Variants in TAFA2 observed in about 807,000 individuals in gnomAD.
TAFA2 encodes the protein TAFA chemokine like family member 2.
In TAFA2, 7 loss-of-function variants were observed where a neutral mutation model predicts 18.8. The observed-to-expected ratio is 0.37, with a 90% CI of 0.21 to 0.70. The LOEUF (loss-of-function observed/expected upper bound fraction) is 0.70. Ranked by LOEUF, TAFA2 falls within the 30% of genes least tolerant of loss-of-function variation. TAFA2 has a pLI of 0.53. For synonymous variants in TAFA2, 60 were observed against 54.2 expected (o/e 1.11, Z -0.47); for missense variants, 122 against 158.1 (o/e 0.77, Z 1.23).
intron 1 of TAFA2, among the ~76,000 whole-genome samples, chr12:61,895,208 C>A (rs2121304212): frequency 6.6e-6 from 1 of 152,108 alleles, no homozygotes; most frequent in South Asian, 2.1e-4. Context: ...GAAATGTAGT[C>A]AGACAATAAA....
intron 1 of TAFA2, among the ~76,000 whole-genome samples, chr12:61,973,848 T>C (rs533394028): frequency 2.0e-5 from 3 of 151,732 alleles, no homozygotes; most frequent in African/African-American, 4.8e-5. Context: ...GAGCCAACCA[T>C]TGTTGTTCTT....
intron 1 of TAFA2, among the ~76,000 whole-genome samples, chr12:62,076,458 G>A (rs1415201076): frequency 6.6e-6 from 1 of 152,088 alleles, no homozygotes; most frequent in African/African-American, 2.4e-5. Flanking sequence ...GTGTCACTGT[G>A]AGATAATTAT....
At chr12:62,086,086 G>A (rs951124222) in intron 1 of TAFA2, among the ~76,000 whole-genome samples, 4 of 151,842 alleles carry the variant, frequency 2.6e-5, no homozygotes, top group Admixed American at 2.0e-4. Context: ...AACCATGAGC[G>A]AATTGAAACT....
At chr12:61,821,933 A>G (rs1353368386) in intron 2 of TAFA2, among the ~76,000 whole-genome samples, 1 of 152,096 alleles carries the variant, frequency 6.6e-6, no homozygotes, top group Non-Finnish European at 1.5e-5. Context: ...AAACTGAAAT[A>G]ATTAGCCCCA....
At chr12:61,740,899 T>C (rs761787394) in intron 4 of TAFA2, among the ~76,000 whole-genome samples, 1 of 151,706 alleles carries the variant, frequency 6.6e-6, no homozygotes, top group Non-Finnish European at 1.5e-5. Context: ...GAGCAAAGCA[T>C]ATATTTAACA....
At chr12:62,146,921 T>C (rs1424462051) in intron 1 of TAFA2, among the ~76,000 whole-genome samples, 1 of 152,124 alleles carries the variant, frequency 6.6e-6, no homozygotes, top group Non-Finnish European at 1.5e-5. Context: ...TGGTAAAGTT[T>C]GGGTCCTTTA....
At chr12:62,228,204 T>G (rs2062796276) in intron 1 of TAFA2, among the ~76,000 whole-genome samples, 1 of 152,196 alleles carries the variant, frequency 6.6e-6, no homozygotes, top group Non-Finnish European at 1.5e-5. Flanking sequence ...ACACTTGGAA[T>G]CCTTCGTGTT....
At chr12:61,833,543 T>A (rs1311499950) in intron 2 of TAFA2, among the ~76,000 whole-genome samples, 3 of 152,098 alleles carry the variant, frequency 2.0e-5, no homozygotes, top group Non-Finnish European at 4.4e-5. Flanking sequence ...TGTTATTCTC[T>A]ATTCAATAAT....
chr12:61,860,257 A>G (rs1487854776), intron 2 of TAFA2, among the ~76,000 whole-genome samples: 1 of 152,228 alleles, frequency 6.6e-6, no homozygotes, highest in Non-Finnish European at 1.5e-5. Context: ...AGTTTCTCAA[A>G]TAAATATATA....
At chr12:61,711,811 T>G (rs555585028) in intron 4 of TAFA2, among the ~76,000 whole-genome samples, 8 of 152,112 alleles carry the variant, frequency 5.3e-5, no homozygotes, top group African/African-American at 1.9e-4. Flanking sequence ...TGGAAGAAGT[T>G]GTGCCAAGGA....
intron 1 of TAFA2, among the ~76,000 whole-genome samples, chr12:62,053,339 T>G (rs1448396250): frequency 6.6e-6 from 1 of 152,162 alleles, no homozygotes; most frequent in Non-Finnish European, 1.5e-5. Context: ...TTCTGGTATG[T>G]TTTTAAAAAT....
chr12:62,153,998 C>T (rs1168726254), intron 1 of TAFA2, among the ~76,000 whole-genome samples: 1 of 125,520 alleles, frequency 8.0e-6, no homozygotes, highest in South Asian at 2.5e-4. Context: ...TGTACTAGAG[C>T]CTCATACTCC....
At chr12:61,984,207 T>C (rs1879740042) in intron 1 of TAFA2, among the ~76,000 whole-genome samples, 1 of 152,248 alleles carries the variant, frequency 6.6e-6, no homozygotes, top group Non-Finnish European at 1.5e-5. Context: ...GAACAGTGCC[T>C]AGCACAAAGA....
At chr12:61,958,749 T>G (rs1182213035) in intron 1 of TAFA2, among the ~76,000 whole-genome samples, 1 of 152,022 alleles carries the variant, frequency 6.6e-6, no homozygotes, top group Non-Finnish European at 1.5e-5. Context: ...TTACCAACTC[T>G]GTTTTCGGTA....
rs528505211 is a variant in TAFA2, at chr12:61,911,687, G to A, written c.-1-44261C>T. 6.6e-5 allele frequency among the ~76,000 whole-genome samples: 10 copies of A among 152,234 alleles called. No individual in the cohort carries two copies. The East Asian group carries it at 7.7e-4, about 12-fold the overall frequency. On this transcript the variant is annotated intron_variant, in intron 1 of 4. Coordinates refer to ENST00000416284, the MANE Select transcript of TAFA2 (RefSeq NM_178539.5). ...AAACCAGGTTTGGTACCAGAGAAGC[G>A]GAAAGGAAGCATCAGGTCTGGACAG...
chr12:61,832,211 T>C (rs2121095276), intron 2 of TAFA2, among the ~76,000 whole-genome samples: 1 of 152,160 alleles, frequency 6.6e-6, no homozygotes, highest in African/African-American at 2.4e-5. Flanking sequence ...AATAGCACTG[T>C]ATGGATTTCC....
rs2136987115 is a variant in TAFA2, at chr12:62,236,384, C to G, written c.-130+22379G>C. 1.3e-5 allele frequency among the ~76,000 whole-genome samples: 2 copies of G among 151,952 alleles called. 1 individual carries two copies. Among genetic ancestry groups the G allele is most frequent in the South Asian group, 4.2e-4 (2 of 4,808 alleles). ...GGTTCACACCATTCTCCTGCCTCAG[C>G]CTCCCCAGTAGCTGGGACTACAGGT... On this transcript the variant is annotated intron_variant, in intron 1 of 5. Coordinates refer to the TAFA2 transcript ENST00000551619.
At chr12:61,886,476 C>A (rs1039118828) in intron 1 of TAFA2, among the ~76,000 whole-genome samples, 2 of 152,170 alleles carry the variant, frequency 1.3e-5, no homozygotes, top group Non-Finnish European at 2.9e-5. Context: ...CCACTTGTAT[C>A]CCTCCTGCCC....
chr12:62,118,586 C>A (rs112868208), intron 1 of TAFA2, among the ~76,000 whole-genome samples: 2 of 152,026 alleles, frequency 1.3e-5, no homozygotes, highest in Non-Finnish European at 2.9e-5. Context: ...CTCCAGTCAG[C>A]GAAGAACATT....
Sources: gnomAD v4.1 joint callset for allele counts (sites outside exome capture counted in the v4.1 genomes callset) on GRCh38, gnomAD v4.1.1 for gene constraint, MANE v1.5 for transcripts, NCBI Gene and HGNC (gene_info 2026-07-23, HGNC 2026-07-21) for gene names.